KLHL15: variants seen among roughly 807,000 people sequenced by gnomAD.
The protein encoded by KLHL15 is kelch like family member 15.
In KLHL15, 1 loss-of-function variant was observed where a neutral mutation model predicts 29.3. The ratio of observed to expected loss-of-function variants is 0.03; its 90% CI spans 0.01 to 0.16. KLHL15 has a LOEUF of 0.16. KLHL15 is among the 10% of genes least tolerant of loss of function. KLHL15 has a pLI of 1.00. For synonymous variants in KLHL15, 212 were observed against 184.5 expected (o/e 1.15, Z -1.21); for missense variants, 215 against 478.5 (o/e 0.45, Z 5.14).
At chrX:24,003,786 T>C (rs1412357874) in intron 3 of KLHL15, among the ~76,000 whole-genome samples, 1 of 105,381 alleles carries the variant, frequency 9.5e-6, no homozygotes, top group Admixed American at 1.0e-4. Context: ...GAATACTTAG[T>C]ACAAAAATTA....
chrX:23,999,864 G>A lies in KLHL15; in HGVS notation c.705+6125C>T, dbSNP rs190806417. 5.7e-3 allele frequency among the ~76,000 whole-genome samples: 641 copies of A among 112,173 alleles called. 10 individuals carry two copies. Among genetic ancestry groups the A allele is most frequent in the African/African-American group, 0.019 (599 of 30,931 alleles). On this transcript the variant is annotated intron_variant, in intron 3 of 3. Transcript: ENST00000328046. Reference sequence around the variant, plus strand: ...GGAGAAAAACACCTTGCGTGATTTCGAAAGAACTGCACATGCGTTAATTAC... The same window carrying A: ...GGAGAAAAACACCTTGCGTGATTTCAAAAGAACTGCACATGCGTTAATTAC...
At chrX:24,018,500 G>T (rs911006123) in intron 2 of KLHL15, among the ~76,000 whole-genome samples, 3 of 109,721 alleles carry the variant, frequency 2.7e-5, no homozygotes, top group Non-Finnish European at 5.7e-5. Flanking sequence ...ATACTACCAG[G>T]AAAGAAATAC....
intron 3 of KLHL15, among the ~76,000 whole-genome samples, chrX:23,992,853 G>A (rs764851558): frequency 8.9e-6 from 1 of 112,267 alleles, no homozygotes; most frequent in South Asian, 3.7e-4. Flanking sequence ...ATTATAACGA[G>A]TGAAATAGAG....
chrX:24,025,312 G>T (rs1413955130), intron 1 of KLHL15, among the ~76,000 whole-genome samples: 1 of 108,690 alleles, frequency 9.2e-6, no homozygotes, highest in Non-Finnish European at 1.9e-5. Context: ...GCCGAGCCTC[G>T]GGATCACCCA....
At chrX:24,014,237 A>G (rs1352492308) in intron 2 of KLHL15, among the ~76,000 whole-genome samples, 2 of 111,973 alleles carry the variant, frequency 1.8e-5, no homozygotes, top group African/African-American at 6.5e-5. Flanking sequence ...ACAAGACCCC[A>G]ACTCTGAAAG....
chrX:23,991,544 A>C (rs1929085768), intron 3 of KLHL15, among the ~76,000 whole-genome samples: 1 of 110,492 alleles, frequency 9.1e-6, no homozygotes, highest in Non-Finnish European at 1.9e-5. Context: ...ACAAACAAAC[A>C]AACAAACCAA....
intron 3 of KLHL15, among the ~76,000 whole-genome samples, chrX:23,998,412 A>G (rs1319874645): frequency 1.8e-5 from 2 of 109,390 alleles, no homozygotes; most frequent in Non-Finnish European, 3.8e-5. Flanking sequence ...GCCCACCACC[A>G]TGCCCGGCTA....
intron 2 of KLHL15, among the ~76,000 whole-genome samples, chrX:24,009,989 C>CAA (rs767433599): frequency 8.2e-4 from 50 of 61,275 alleles, no homozygotes; most frequent in African/African-American, 2.9e-3. Context: ...GACTCCATCT[C>CAA]AAAAAAAAAA....
chrX:24,016,970 T>C (rs771274853), intron 2 of KLHL15, among the ~76,000 whole-genome samples: 2 of 111,094 alleles, frequency 1.8e-5, no homozygotes, highest in East Asian at 2.8e-4. Flanking sequence ...GTGAACTGAC[T>C]TTTTATTCAA....
intron 3 of KLHL15, among the ~76,000 whole-genome samples, chrX:23,996,930 T>A (rs191981635): frequency 1.9e-4 from 21 of 112,554 alleles, no homozygotes; most frequent in Non-Finnish European, 1.3e-4. Flanking sequence ...GATAAAGCTA[T>A]GAAAAATCAG....
intron 2 of KLHL15, among the ~76,000 whole-genome samples, chrX:24,016,248 G>A (rs748239599): frequency 7.1e-5 from 7 of 99,124 alleles, no homozygotes; most frequent in Middle Eastern, 5.3e-3. Flanking sequence ...GCTGAGGCAG[G>A]AGAATGGCGT....
In KLHL15 at chrX:24,017,392, G is replaced by A. The variant is rs779308013; in HGVS notation, c.-8+7465C>T. Among the ~76,000 whole-genome samples, 303 of 109,996 alleles carry A rather than the reference G, an allele frequency of 2.8e-3. 3 individuals are homozygous for A. Among genetic ancestry groups the A allele is most frequent in the African/African-American group, 9.6e-3 (289 of 30,246 alleles). On this transcript the variant is annotated intron_variant, in intron 2 of 3. Coordinates refer to ENST00000328046, the MANE Select transcript of KLHL15 (RefSeq NM_030624.3). ...TCATCATCATCTTATTATCAAGTTA[G>A]GGTGGTGAATAAATGAATTAACCTA...
rs200893692 is a variant in KLHL15 at position 24,019,644 on chromosome X, A to AACACACACAC, written c.-8+5203_-8+5212dup. ...ACTGAAAGTGTAAGAGATAAGTGAC[A>AACACACACAC]ACACACACACACACACACACACGTG... On this transcript the variant is annotated intron_variant, in intron 2 of 3. Coordinates refer to ENST00000328046, the MANE Select transcript of KLHL15 (RefSeq NM_030624.3). 2.8e-5 allele frequency among the ~76,000 whole-genome samples: 3 copies of AACACACACAC among 107,177 alleles called. No homozygotes were observed. The South Asian group carries it at 1.2e-3, about 43-fold the overall frequency. The allele number at this position is 107,177 out of a possible 115,157, so 93.1% of individuals were successfully genotyped here.
chrX:23,990,610 A>C (rs1929062873), intron 3 of KLHL15, among the ~76,000 whole-genome samples: 1 of 111,139 alleles, frequency 9.0e-6, no homozygotes, highest in Non-Finnish European at 1.9e-5. Flanking sequence ...AAGAGTGTTG[A>C]TATCAATAGG....
intron 1 of KLHL15, 128 bp from the exon 2 acceptor site, chrX:24,025,186 G>T: frequency 3.5e-6 from 1 of 286,585 alleles, no homozygotes; most frequent in Non-Finnish European, 6.1e-6. Context: ...GGGCTCGGCG[G>T]GAGGGCCGAC....
At chrX:24,025,719 G>C (rs1385212964) in intron 1 of KLHL15, among the ~76,000 whole-genome samples, 1 of 108,933 alleles carries the variant, frequency 9.2e-6, no homozygotes, top group African/African-American at 3.3e-5. Context: ...GTGTGGGAAC[G>C]GGGGGGAAGG....
rs185549602 is a variant in KLHL15 at position 23,999,743 on chromosome X, C to A, written c.705+6246G>T. The stretch of plus-strand genomic sequence containing the variant: ...TAGTAGTCAACACCTAGATTACAGG[C>A]ACTCTTCAGGAATCTGTGAACCTGG... On this transcript the variant is annotated intron_variant, in intron 3 of 3. Transcript: ENST00000328046. 2.3e-3 allele frequency among the ~76,000 whole-genome samples: 256 copies of A among 112,105 alleles called. 1 individual carries two copies. The highest frequency in any genetic ancestry group is 0.016 in the South Asian group (42 of 2,705).
intron 3 of KLHL15, among the ~76,000 whole-genome samples, chrX:23,990,712 T>C (rs1277840308): frequency 9.0e-6 from 1 of 110,741 alleles, no homozygotes; most frequent in Non-Finnish European, 1.9e-5. Flanking sequence ...GTTGGAAATC[T>C]GGGATGACAG....
chrX:24,024,367 C>T (rs770528174), intron 2 of KLHL15, among the ~76,000 whole-genome samples: 8 of 112,137 alleles, frequency 7.1e-5, no homozygotes, highest in Non-Finnish European at 1.5e-4. Context: ...CAACACTCTA[C>T]AGTTAAGGAT....
Sources: gnomAD v4.1 joint callset for allele counts (sites outside exome capture counted in the v4.1 genomes callset) on GRCh38, gnomAD v4.1.1 for gene constraint, MANE v1.5 for transcripts, NCBI Gene and HGNC (gene_info 2026-07-23, HGNC 2026-07-21) for gene names.